Variants in ZNF846 observed in about 807,000 individuals in gnomAD.
The protein encoded by ZNF846 is zinc finger protein 420 pseudogene.
ZNF846 carries 15 observed loss-of-function variants against 16.0 expected under a neutral mutation model. The ratio of observed to expected loss-of-function variants is 0.94; its 90% CI spans 0.63 to 1.45. The LOEUF is 1.45. Ranked by LOEUF, ZNF846 falls within the 40% of genes most tolerant of loss-of-function variation. ZNF846 has a pLI of 0.00. For missense variants in ZNF846, 714 were observed against 622.3 expected, an observed-to-expected ratio of 1.15 and a Z score of -1.57; for synonymous variants, 229 against 212.0, an observed-to-expected ratio of 1.08 and a Z score of -0.70.
At chr19:9,785,279 C>T (rs1486662339) in intron 1 of ZNF846, among the ~76,000 whole-genome samples, 1 of 148,766 alleles carries the variant, frequency 6.7e-6, no homozygotes, top group Non-Finnish European at 1.5e-5. Context: ...CTCACTGCAA[C>T]TTCCGCCTCC....
downstream of ZNF846, chr19:9,756,345 G>GTGTGTATATATATATATA (rs1321690890): frequency 4.9e-5 from 4 of 81,768 alleles, no homozygotes; most frequent in South Asian, 4.7e-4. Context: ...GTGTGTGTGT[G>GTGTGTATATATATATATA]TATATATATA....
downstream of ZNF846, among the ~76,000 whole-genome samples, chr19:9,754,564 T>TTAA (rs2045115659): frequency 2.3e-5 from 2 of 88,708 alleles, no homozygotes; most frequent in Admixed American, 2.7e-4. Context: ...GACTCTGTCT[T>TTAA]AAAAAAAAAA....
intron 1 of ZNF846, among the ~76,000 whole-genome samples, chr19:9,784,207 C>T (rs1031519705): frequency 6.6e-6 from 1 of 152,142 alleles, no homozygotes; most frequent in Admixed American, 6.6e-5. Flanking sequence ...GGATCTGCAC[C>T]GGCACTGGTC....
chr19:9,762,314 C>A, intron 3 of ZNF846, 146 bp from the exon 4 acceptor site: 1 of 635,516 alleles, frequency 1.6e-6, no homozygotes, highest in Non-Finnish European at 2.8e-6. Context: ...ATAACATTTC[C>A]AATACATGCA....
At chr19:9,768,827 T>C (rs927303657), upstream of ZNF846, 2 of 152,248 alleles carry the variant, frequency 1.3e-5, no homozygotes, top group African/African-American at 4.8e-5. Context: ...ATGAGGATGA[T>C]GTGAAGCTGA....
rs191028771 is a variant in ZNF846, at chr19:9,757,614, C to A, written c.1463G>T (p.Arg488Met). The change falls in exon 6 of 6, where the codon AGG becomes ATG. Residue 488 changes from arginine to methionine, a missense_variant. Physicochemically the swap from Arg to Met is moderately conservative, Grantham distance 91. Coordinates refer to ENST00000397902, the Ensembl canonical transcript of ZNF846. ...GTGAACGTTAAGGTATGTGGAATACCTGAAGGCTTTCCCACATTCTTTACA... is the reference window on the plus strand; with the variant it reads ...GTGAACGTTAAGGTATGTGGAATACATGAAGGCTTTCCCACATTCTTTACA... 8 of 1,613,534 alleles carry A rather than the reference C, an allele frequency of 5.0e-6. No homozygotes were observed. The South Asian group carries it at 8.8e-5, about 18-fold the overall frequency.
intron 1 of ZNF846, among the ~76,000 whole-genome samples, chr19:9,778,680 G>A (rs2045471421): frequency 6.6e-6 from 1 of 151,844 alleles, no homozygotes; most frequent in South Asian, 2.1e-4. Flanking sequence ...GCATGTGCCT[G>A]TAATCCCAGC....
At chr19:9,766,921 T>C (rs1265274563) in intron 1 of ZNF846, among the ~76,000 whole-genome samples, 1 of 151,340 alleles carries the variant, frequency 6.6e-6, no homozygotes. Context: ...AAAAAAGTGT[T>C]CTCTTCAGCA....
At chr19:9,752,978 G>T (rs142669994), downstream of ZNF846, among the ~76,000 whole-genome samples, 764 of 148,588 alleles carry the variant, frequency 5.1e-3, 6 homozygotes, top group South Asian at 0.022. Context: ...TTAGGTCAAA[G>T]CTCAAGGTAC....
At chr19:9,750,509 C>G (rs1484353383), downstream of ZNF846, among the ~76,000 whole-genome samples, 5 of 152,168 alleles carry the variant, frequency 3.3e-5, no homozygotes, top group Non-Finnish European at 5.9e-5. Flanking sequence ...TTATGCCTGA[C>G]ACAAGCTCTC....
chr19:9,764,800 A>G, intron 2 of ZNF846, 136 bp downstream of exon 2: 3 of 1,060,628 alleles, frequency 2.8e-6, no homozygotes, highest in Non-Finnish European at 4.3e-6. Context: ...TGGTTCCTAG[A>G]GAAATTCACC....
chr19:9,765,333 C>G (rs2045298022), intron 1 of ZNF846, among the ~76,000 whole-genome samples: 1 of 151,944 alleles, frequency 6.6e-6, no homozygotes, highest in Non-Finnish European at 1.5e-5. Flanking sequence ...CGACACCATG[C>G]CACTGCACTC....
At chr19:9,756,489 CAT>C (rs2045138588), downstream of ZNF846, 1 of 150,344 alleles carries the variant, frequency 6.7e-6, no homozygotes, top group Admixed American at 6.6e-5. Context: ...ATCTTACCTT[CAT>C]AGAGTTTCTC....
downstream of ZNF846, chr19:9,757,455 A>G (rs79336802): frequency 7.3e-4 from 1,119 of 1,531,978 alleles, 5 homozygotes; most frequent in East Asian, 0.013. Flanking sequence ...AGATGTAAAT[A>G]CTAAGATCTG....
intron 3 of ZNF846, among the ~76,000 whole-genome samples, chr19:9,762,763 C>T (rs1228377545): frequency 2.6e-5 from 4 of 152,264 alleles, no homozygotes; most frequent in African/African-American, 4.8e-5. Flanking sequence ...CACTAACGAT[C>T]GCTGATGAGC....
rs556472897 is a variant in ZNF846 at position 9,763,378 on chromosome 19, C to T, written c.46G>A (p.Asp16Asn). 1.7e-4 allele frequency: 266 copies of T among 1,611,102 alleles called. 4 individuals are homozygous for T. The Middle Eastern group carries it at 2.6e-3, about 16-fold the overall frequency. ...AAAGTCCACTCCTCCTGGGTAAAGTCCACAGCCACATCCTCAAAGGTCACT... is the reference window on the plus strand; with the variant it reads ...AAAGTCCACTCCTCCTGGGTAAAGTTCACAGCCACATCCTCAAAGGTCACT... Residue 16 changes from aspartate (D) to asparagine (N), a missense_variant, in exon 3 of 6, where the codon GAC (aspartate) becomes AAC (asparagine). By Grantham distance (23) the Asp-to-Asn change is conservative. Transcript: ENST00000397902.
chr19:9,765,032 T>G (rs914497161), exon 2 of ZNF846: 3 of 1,514,008 alleles, frequency 2.0e-6, no homozygotes, highest in Non-Finnish European at 2.8e-6. Flanking sequence ...CTGGAAAAAA[T>G]GACCTTTGGA....
chr19:9,759,984 G>T, intron 4 of ZNF846, 42 bp from the exon 5 acceptor site: 2 of 1,526,264 alleles, frequency 1.3e-6, no homozygotes, highest in South Asian at 2.3e-5. Flanking sequence ...AAAAATTGTG[G>T]AATAAAGTCG....
chr19:9,764,166 T>G (rs977785079), intron 2 of ZNF846, among the ~76,000 whole-genome samples: 5 of 152,210 alleles, frequency 3.3e-5, no homozygotes, highest in Admixed American at 2.0e-4. Flanking sequence ...TGCCTGTCCA[T>G]ATGGATAAAC....
Sources: gnomAD v4.1 joint callset for allele counts (sites outside exome capture counted in the v4.1 genomes callset) on GRCh38, gnomAD v4.1.1 for gene constraint, MANE v1.5 for transcripts, NCBI Gene and HGNC (gene_info 2026-07-23, HGNC 2026-07-21) for gene names.